Variants in NEDD4L observed in about 807,000 individuals in gnomAD.
NEDD4L encodes NEDD4 like E3 ubiquitin protein ligase, also known as E3 ubiquitin-protein ligase NEDD4-like.
A neutral mutation model predicts 148.9 loss-of-function variants in NEDD4L; 54 were observed. The ratio of observed to expected loss-of-function variants is 0.36; its 90% CI spans 0.29 to 0.45. NEDD4L has a LOEUF of 0.45. Among genes scored for constraint, NEDD4L ranks in the 20% least tolerant of loss-of-function variants. The probability of loss-of-function intolerance (pLI) is 1.00; values close to 1 mark genes in which losing one functional copy is unlikely to be tolerated. For synonymous variants in NEDD4L, 433 were observed against 440.7 expected (o/e 0.98, Z 0.22); for missense variants, 856 against 1,233.8 (o/e 0.69, Z 4.59).
intron 19 of NEDD4L, among the ~76,000 whole-genome samples, chr18:58,363,527 A>G (rs550096027): frequency 2.0e-5 from 3 of 152,352 alleles, no homozygotes; most frequent in East Asian, 1.9e-4. Context: ...CTACTTTACA[A>G]GGTAGCAAAT....
chr18:58,207,701 T>C (rs2042115309), intron 2 of NEDD4L, among the ~76,000 whole-genome samples: 1 of 152,192 alleles, frequency 6.6e-6, no homozygotes, highest in South Asian at 2.1e-4. Flanking sequence ...GCCTCTGCAC[T>C]CACTCACGAG....
chr18:58,391,629 A>C, intron 30 of NEDD4L, 70 bp downstream of exon 30: 49 of 1,049,538 alleles, frequency 4.7e-5, no homozygotes, highest in Non-Finnish European at 5.7e-5. Context: ...TGCTGGGCTC[A>C]AGGCTATTGA....
At chr18:58,072,872 G>GCACACACACACA (rs766485355) in intron 1 of NEDD4L, among the ~76,000 whole-genome samples, 60 of 131,610 alleles carry the variant, frequency 4.6e-4, no homozygotes, top group Middle Eastern at 3.8e-3. Flanking sequence ...GCGCGCGCGC[G>GCACACACACACA]CACACACACA....
chr18:58,386,914 T>G (rs979732271), intron 26 of NEDD4L, among the ~76,000 whole-genome samples: 2 of 152,210 alleles, frequency 1.3e-5, no homozygotes, highest in Non-Finnish European at 2.9e-5. Flanking sequence ...GTCCACACCT[T>G]CAGAAACGCG....
intron 2 of NEDD4L, among the ~76,000 whole-genome samples, chr18:58,176,265 A>G (rs1483546212): frequency 6.7e-6 from 1 of 148,294 alleles, no homozygotes; most frequent in Non-Finnish European, 1.5e-5. Context: ...TCCCTCATTC[A>G]CTCTGTCGTC....
At chr18:58,369,488 G>A (rs78726242) in intron 22 of NEDD4L, among the ~76,000 whole-genome samples, 13 of 50,890 alleles carry the variant, frequency 2.6e-4, no homozygotes, top group African/African-American at 9.9e-4. Flanking sequence ...GAATGTCCCT[G>A]TCGGCAGGGC....
chr18:58,070,862 T>A (rs2082836067), intron 1 of NEDD4L, among the ~76,000 whole-genome samples: 1 of 152,084 alleles, frequency 6.6e-6, no homozygotes, highest in East Asian at 1.9e-4. Context: ...CAAACAGACT[T>A]TATAGAATTA....
chr18:58,355,682 A>T (rs1361053915), intron 18 of NEDD4L, among the ~76,000 whole-genome samples: 1 of 152,178 alleles, frequency 6.6e-6, no homozygotes, highest in African/African-American at 2.4e-5. Context: ...TGTGAAAGGT[A>T]AGGGACCCAA....
chr18:58,208,041 TCAACAACAA>T (rs552503395), intron 2 of NEDD4L, among the ~76,000 whole-genome samples: 3 of 151,822 alleles, frequency 2.0e-5, no homozygotes, highest in Non-Finnish European at 4.4e-5. Flanking sequence ...AGACTCTGTC[TCAACAACAA>T]CAACAACAAC....
chr18:58,238,033 A>G (rs2046228384), intron 2 of NEDD4L, among the ~76,000 whole-genome samples: 1 of 152,270 alleles, frequency 6.6e-6, no homozygotes, highest in Admixed American at 6.5e-5. Context: ...TTCAGAGACT[A>G]TGCCTAAGCA....
chr18:58,258,316 A>G (rs190282197), intron 5 of NEDD4L, among the ~76,000 whole-genome samples: 3 of 152,228 alleles, frequency 2.0e-5, no homozygotes, highest in South Asian at 2.1e-4. Context: ...CGGCAACACA[A>G]TTCCATGCTG....
At chr18:58,093,682 G>A (rs533470211) in intron 1 of NEDD4L, among the ~76,000 whole-genome samples, 1 of 152,292 alleles carries the variant, frequency 6.6e-6, no homozygotes, top group African/African-American at 2.4e-5. Flanking sequence ...CTCATGTGTT[G>A]TCTGATGATA....
Position 58,343,032 on chromosome 18 carries a change from G to C in NEDD4L, c.1504G>C (p.Gly502Arg). Residue 502 changes from glycine to arginine, a missense_variant, in exon 16 of 31, where the codon GGC becomes CGC. By Grantham distance (125) the Gly-to-Arg change is moderately radical. Around this residue, in one of 4 missense-constraint regions of NEDD4L, gnomAD observed 367 missense variants for 422.7 expected, o/e 0.87. Transcript: ENST00000400345. ...HKVTQSFLPP[G>R]WEMRIAPNGR... is the part of the protein sequence containing the mutation. Reference sequence around the variant, plus strand: ...AGTCACACAGAGCTTCTTGCCACCCGGCTGGGAAATGAGGATAGCGCCAAA... The same window carrying C: ...AGTCACACAGAGCTTCTTGCCACCCCGCTGGGAAATGAGGATAGCGCCAAA... 6.2e-7 allele frequency: 1 copy of C among 1,613,432 alleles called. No individual in the cohort carries two copies. Among genetic ancestry groups the C allele is most frequent in the Non-Finnish European group, 8.5e-7 (1 of 1,179,630 alleles).
At chr18:58,167,849 AT>A (rs1405776760) in intron 2 of NEDD4L, among the ~76,000 whole-genome samples, 1 of 152,154 alleles carries the variant, frequency 6.6e-6, no homozygotes, top group Non-Finnish European at 1.5e-5. Flanking sequence ...AGCAAGTTGG[AT>A]TTAGAAAATT....
intron 2 of NEDD4L, among the ~76,000 whole-genome samples, chr18:58,240,287 A>G (rs1006631947): frequency 1.3e-5 from 2 of 152,114 alleles, no homozygotes; most frequent in Admixed American, 1.3e-4. Flanking sequence ...TCAGTGAAAA[A>G]TACTGAGGAA....
chr18:58,063,514 A>G (rs561070778), intron 1 of NEDD4L, among the ~76,000 whole-genome samples: 2 of 150,990 alleles, frequency 1.3e-5, no homozygotes, highest in East Asian at 1.9e-4. Context: ...TCAAGGAGCA[A>G]GTTTTTCTAA....
intron 5 of NEDD4L, among the ~76,000 whole-genome samples, chr18:58,287,942 A>G (rs2054177125): frequency 6.6e-6 from 1 of 152,234 alleles, no homozygotes; most frequent in South Asian, 2.1e-4. Context: ...AGTCATGCAT[A>G]TGTAATCGTG....
chr18:58,175,718 C>A (rs986354922), intron 2 of NEDD4L, among the ~76,000 whole-genome samples: 4 of 152,230 alleles, frequency 2.6e-5, no homozygotes, highest in African/African-American at 9.6e-5. Flanking sequence ...TATTCCTTCC[C>A]ACCCCCCAAA....
chr18:58,273,059 C>G (rs1174971641), intron 5 of NEDD4L, among the ~76,000 whole-genome samples: 1 of 152,232 alleles, frequency 6.6e-6, no homozygotes, highest in Non-Finnish European at 1.5e-5. Context: ...GCCAGTGGAA[C>G]TGCAGCGGAA....
Sources: gnomAD v4.1 joint callset for allele counts (sites outside exome capture counted in the v4.1 genomes callset) on GRCh38, gnomAD v4.1.1 for gene constraint, gnomAD v4.1.1 regional missense constraint, MANE v1.5 for transcripts, NCBI Gene and HGNC (gene_info 2026-07-23, HGNC 2026-07-21) for gene names.